P3H4: variants seen among roughly 807,000 people sequenced by gnomAD.
P3H4 encodes endoplasmic reticulum protein SC65.
Under a neutral mutation model 52.9 loss-of-function variants are expected in P3H4, and 47 were observed. The observed-to-expected ratio is 0.89, with a 90% CI of 0.70 to 1.13. The LOEUF (loss-of-function observed/expected upper bound fraction) is 1.13, where lower values mean the gene tolerates loss of function less well. P3H4 is among the 50% of genes most tolerant of loss of function. The pLI, the probability that P3H4 is intolerant of heterozygous loss-of-function variation, is 0.00. For missense variants in P3H4, 585 were observed against 611.0 expected, an observed-to-expected ratio of 0.96 and a Z score of 0.45; for synonymous variants, 256 against 267.9, an observed-to-expected ratio of 0.96 and a Z score of 0.44.
At chr17:41,807,080 G>GT (rs1161762583) in intron 5 of P3H4, 15 of 573,532 alleles carry the variant, frequency 2.6e-5, no homozygotes, top group Admixed American at 6.0e-5. Flanking sequence ...GTGACAAAGA[G>GT]TCCCTCAATC....
intron 6 of P3H4, among the ~76,000 whole-genome samples, chr17:41,805,005 G>T (rs528771417): frequency 6.6e-6 from 1 of 151,130 alleles, no homozygotes; most frequent in Non-Finnish European, 1.5e-5. Context: ...CATACTTGAG[G>T]CCGGGTGTGG....
intron 3 of P3H4, chr17:41,810,655 T>A (rs553116454): frequency 1.7e-6 from 1 of 588,424 alleles, no homozygotes; most frequent in Admixed American, 3.2e-5. Flanking sequence ...CCAAACCCTT[T>A]AGGGATGTCA....
Position 41,806,017 on chromosome 17 carries a change from G to A in P3H4, c.1146+779C>T, listed in dbSNP as rs150413113. ...AGATAGATCATGAGGTCACGAGGTC[G>A]AGACCAGCCTGACCAACACGGTGAA... On this transcript the variant is annotated intron_variant, in intron 6 of 7. Coordinates refer to ENST00000393928, the MANE Select transcript of P3H4 (RefSeq NM_006455.3). Among the ~76,000 whole-genome samples, 1,406 of 152,022 alleles carry A rather than the reference G, an allele frequency of 9.2e-3. 26 individuals carry two copies. The highest frequency in any genetic ancestry group is 0.031 in the African/African-American group (1,302 of 41,474).
In P3H4 at chr17:41,806,853, G is replaced by T. The variant is rs782710831; in HGVS notation, c.1089C>A (p.Thr363=). 6.2e-7 allele frequency: 1 copy of T among 1,613,814 alleles called. No homozygotes were observed. Among genetic ancestry groups the T allele is most frequent in the South Asian group, 1.1e-5 (1 of 91,036 alleles). The change falls in exon 6 of 8, where the codon ACC becomes ACA. Residue 363 remains threonine (T), a synonymous_variant. Transcript: ENST00000393928. ...ACTCCAGCAGCTCCCGCAGCTCGGC[G>T]GTCTGGTTGTGGTAGAGCATGGCCT... ...REEAMLYHNQ[T]AELRELLEFT...
At chr17:41,804,624 C>G (rs1202680567) in intron 6 of P3H4, among the ~76,000 whole-genome samples, 2 of 146,668 alleles carry the variant, frequency 1.4e-5, no homozygotes, top group Non-Finnish European at 3.0e-5. Flanking sequence ...TGAGACTCGG[C>G]TGTCATTCAC....
intron 6 of P3H4, among the ~76,000 whole-genome samples, chr17:41,805,290 A>AAAACAAATAAACAAACAAAC (rs2047662220): frequency 1.1e-5 from 1 of 87,094 alleles, no homozygotes; most frequent in Non-Finnish European, 2.7e-5. Context: ...CTCTGTCTCA[A>AAAACAAATAAACAAACAAAC]AAACAAACAA....
intron 3 of P3H4, among the ~76,000 whole-genome samples, chr17:41,810,349 C>T (rs1238758458): frequency 6.6e-6 from 1 of 151,662 alleles, no homozygotes; most frequent in Non-Finnish European, 1.5e-5. Flanking sequence ...AATTTTTGTA[C>T]TTTCAGTAGA....
chr17:41,811,189 CT>C lies in P3H4; in HGVS notation c.557del (p.Gln186ArgfsTer14). ...ELTAKYLNYY[Q>X]GMLDVADESL... Reference sequence around the variant, plus strand: ...ACTCGTCGGCGACGTCCAGCATCCCCTGATAGTAGTTGAGATACTTGGCGGT... The same window carrying C: ...ACTCGTCGGCGACGTCCAGCATCCCCGATAGTAGTTGAGATACTTGGCGGT... On this transcript the variant is annotated frameshift_variant, in exon 2 of 8. Transcript: ENST00000393928. LOFTEE classifies it high-confidence loss of function. The surrounding 1 kb of genome is among the most constrained non-coding windows in gnomAD (Gnocchi z 4.8). 1 of 1,614,214 alleles carries C rather than the reference CT, an allele frequency of 6.2e-7. No individual in the cohort carries two copies. Among genetic ancestry groups the C allele is most frequent in the East Asian group, 2.2e-5 (1 of 44,876 alleles).
intron 6 of P3H4, among the ~76,000 whole-genome samples, chr17:41,804,065 C>A (rs1317766578): frequency 1.3e-5 from 2 of 151,902 alleles, no homozygotes; most frequent in Admixed American, 1.3e-4. Context: ...CATTCTCCTG[C>A]CTCAGCCTCC....
At position 41,809,728 on chromosome 17, in the gene P3H4, G is replaced by A. The variant is rs782813027; in HGVS notation, c.894C>T (p.Tyr298=). ...CACACTTATAGTAGGCAAACTGCAG[G>A]TAGTGGTACATGGTGGCCACGAACT... ...VDKFVATMYH[Y]LQFAYYKLND... Residue 298 remains tyrosine, a synonymous_variant, in exon 4 of 8, where the codon TAC becomes TAT. Coordinates refer to ENST00000393928, the MANE Select transcript of P3H4 (RefSeq NM_006455.3). 1.2e-6 allele frequency: 2 copies of A among 1,613,466 alleles called. No individual in the cohort carries two copies. The highest frequency in any genetic ancestry group is 1.1e-5 in the South Asian group (1 of 90,990).
At chr17:41,810,251 G>A (rs2047715408) in intron 3 of P3H4, among the ~76,000 whole-genome samples, 1 of 145,596 alleles carries the variant, frequency 6.9e-6, no homozygotes, top group African/African-American at 2.6e-5. Flanking sequence ...TGGGCTCAAT[G>A]CAACCTCCGC....
intron 7 of P3H4, 110 bp from the exon 8 acceptor site, chr17:41,803,089 G>T: frequency 6.9e-7 from 1 of 1,445,754 alleles, no homozygotes; most frequent in Non-Finnish European, 9.4e-7. Context: ...ACAGGTCTCA[G>T]CTGGTCCCAG....
At chr17:41,804,934 C>T (rs1401680408) in intron 6 of P3H4, among the ~76,000 whole-genome samples, 8 of 151,934 alleles carry the variant, frequency 5.3e-5, no homozygotes, top group African/African-American at 1.9e-4. Flanking sequence ...GATCGCACCA[C>T]TGCACTCCAG....
Position 41,810,958 on chromosome 17 carries a change from A to T in P3H4, c.692T>A (p.Leu231Ter). 6.2e-7 allele frequency: 1 copy of T among 1,614,156 alleles called. No homozygotes were observed. Among genetic ancestry groups the T allele is most frequent in the Non-Finnish European group, 8.5e-7 (1 of 1,180,036 alleles). Residue 231 changes from leucine to a stop codon, truncating the protein, a stop_gained, in exon 3 of 8, where the codon TTG becomes TAG. Coordinates refer to ENST00000393928, the MANE Select transcript of P3H4 (RefSeq NM_006455.3). LOFTEE classifies it high-confidence loss of function. ...GGCAAAGACTGCCAGGTACTCTGAC[A>T]AGGCCCGCTCCATGTCCTCCGTGCT... The part of the protein sequence containing the change: ...RSSTEDMERA[L>*]SEYLAVFARC...
At position 41,802,993 on chromosome 17, in the gene P3H4, G is replaced by T; in HGVS notation, c.1292-14C>A. On this transcript the variant is annotated splice_polypyrimidine_tract_variant and intron_variant, in intron 7 of 7. Transcript: ENST00000393928. ...CAGGCTCTGGCTCTGAAAAGGAAAG[G>T]AGAAAGCACTGGGGTTGCTCCCCCA... 1 of 1,610,742 alleles carries T rather than the reference G, an allele frequency of 6.2e-7. No individual in the cohort carries two copies. Among genetic ancestry groups the T allele is most frequent in the Non-Finnish European group, 8.5e-7 (1 of 1,178,840 alleles).
In P3H4 at chr17:41,811,194, A is replaced by G. The variant is rs782634156; in HGVS notation, c.553T>C (p.Tyr185His). ...TCGGCGACGTCCAGCATCCCCTGAT[A>G]GTAGTTGAGATACTTGGCGGTCAGC... ...HELTAKYLNY[Y>H]QGMLDVADES... The change falls in exon 2 of 8, where the codon TAT becomes CAT. Residue 185 changes from tyrosine (Y) to histidine (H), a missense_variant. Transcript: ENST00000393928. This position sits in a 1 kb window ranked among gnomAD's most constrained non-coding sequence, Gnocchi z 4.8. 2.2e-5 allele frequency: 36 copies of G among 1,613,982 alleles called. No homozygotes were observed. The highest frequency in any genetic ancestry group is 2.4e-5 in the Non-Finnish European group (28 of 1,180,044).
chr17:41,805,138 T>G (rs978516717), intron 6 of P3H4, among the ~76,000 whole-genome samples: 15 of 150,206 alleles, frequency 1.0e-4, no homozygotes, highest in Admixed American at 4.6e-4. Flanking sequence ...ACAAAAAAAA[T>G]TAGCCGGGCG....
chr17:41,811,423 G>A lies in P3H4; in HGVS notation c.462+31C>T, dbSNP rs782013307. ...TGGGGAGCCACGACGCCCAGCCCGA[G>A]ACAGGTCCCCGGGTGGGGGCGGGCT... On this transcript the variant is annotated intron_variant, in intron 1 of 7. Coordinates refer to ENST00000393928, the MANE Select transcript of P3H4 (RefSeq NM_006455.3). The surrounding 1 kb of genome is among the most constrained non-coding windows in gnomAD (Gnocchi z 4.8). 1.9e-6 allele frequency: 3 copies of A among 1,610,664 alleles called. No homozygotes were observed. Among genetic ancestry groups the A allele is most frequent in the Non-Finnish European group, 2.5e-6 (3 of 1,178,600 alleles).
In P3H4 at chr17:41,811,411, C is replaced by A. The variant is rs897326168; in HGVS notation, c.462+43G>T. 1.2e-6 allele frequency: 2 copies of A among 1,608,790 alleles called. No individual in the cohort carries two copies. The highest frequency in any genetic ancestry group is 1.7e-6 in the Non-Finnish European group (2 of 1,177,336). On this transcript the variant is annotated intron_variant, in intron 1 of 7. Coordinates refer to ENST00000393928, the MANE Select transcript of P3H4 (RefSeq NM_006455.3). This position sits in a 1 kb window ranked among gnomAD's most constrained non-coding sequence, Gnocchi z 4.8. ...TCGACCGATCTGTGGGGAGCCACGA[C>A]GCCCAGCCCGAGACAGGTCCCCGGG...
Sources: allele counts gnomAD v4.1 joint callset (sites outside exome capture counted in the v4.1 genomes callset), GRCh38; gene constraint gnomAD v4.1.1; non-coding constraint Gnocchi (gnomAD v3.1); transcripts MANE v1.5; gene names NCBI Gene and HGNC (gene_info 2026-07-23, HGNC 2026-07-21).